The following MYO18B variants were observed in gnomAD, a reference collection of about 807,000 sequenced individuals.
The protein encoded by MYO18B is unconventional myosin-XVIIIb.
In MYO18B, 204 loss-of-function variants were observed where a neutral mutation model predicts 273.0. That is an observed-to-expected ratio of 0.75 (90% CI 0.67 to 0.84). The LOEUF (loss-of-function observed/expected upper bound fraction) is 0.84. Among genes scored for constraint, MYO18B ranks in the 40% least tolerant of loss-of-function variants. The pLI is 0.00. For synonymous variants in MYO18B, 1,330 were observed against 1,305.7 expected, an observed-to-expected ratio of 1.02 and a Z score of -0.40; for missense variants, 3,212 against 3,287.6, an observed-to-expected ratio of 0.98 and a Z score of 0.56.
intron 33 of MYO18B, among the ~76,000 whole-genome samples, 174 bp downstream of exon 33, chr22:25,911,224 T>C (rs1335713301): frequency 6.6e-6 from 1 of 152,202 alleles, no homozygotes; most frequent in African/African-American, 2.4e-5. Flanking sequence ...GCAGGGTTTT[T>C]GTAAGAACCC....
chr22:25,818,825 A>G (rs2089153218), intron 12 of MYO18B, among the ~76,000 whole-genome samples: 1 of 152,074 alleles, frequency 6.6e-6, no homozygotes, highest in Non-Finnish European at 1.5e-5. Flanking sequence ...TCTCACATGT[A>G]ACCATCTCAT....
chr22:26,037,088 C>T, the MYO18B span, among the ~76,000 whole-genome samples: 7,023 of 151,380 alleles, frequency 0.046, 237 homozygotes, highest in South Asian at 0.13. Flanking sequence ...GCTGGCTGAA[C>T]GGGCCTATGG....
chr22:25,757,519 G>A (rs2086162430), intron 1 of MYO18B, among the ~76,000 whole-genome samples: 1 of 152,026 alleles, frequency 6.6e-6, no homozygotes, highest in Non-Finnish European at 1.5e-5. Context: ...CTCAGGAGGT[G>A]GAGGTTGCAG....
chr22:26,039,310 G>A, the MYO18B span, among the ~76,000 whole-genome samples: 1 of 152,248 alleles, frequency 6.6e-6, no homozygotes, highest in East Asian at 1.9e-4. Flanking sequence ...CCTCTGCCCT[G>A]GATGCTGCTC....
intron 25 of MYO18B, among the ~76,000 whole-genome samples, chr22:25,880,241 G>A (rs2091301497): frequency 6.6e-6 from 1 of 152,102 alleles, no homozygotes; most frequent in Non-Finnish European, 1.5e-5. Flanking sequence ...TTTTAAAATT[G>A]TAAAGTAATG....
chr22:26,041,046 T>G, the MYO18B span, among the ~76,000 whole-genome samples: 16 of 152,302 alleles, frequency 1.1e-4, no homozygotes, highest in Non-Finnish European at 1.5e-4. Context: ...TAGAGCAGGG[T>G]TGTCCAACCC....
chr22:25,898,139 G>T, intron 28 of MYO18B, 168 bp from the exon 29 acceptor site: 1 of 637,132 alleles, frequency 1.6e-6, no homozygotes. Flanking sequence ...CAGAAAAGTA[G>T]CTTCCTGGAG....
chr22:25,977,489 T>A (rs909948794), intron 39 of MYO18B, among the ~76,000 whole-genome samples: 2 of 152,036 alleles, frequency 1.3e-5, no homozygotes, highest in African/African-American at 4.8e-5. Flanking sequence ...TTGGGCATGG[T>A]GAATTGTGAC....
intron 25 of MYO18B, among the ~76,000 whole-genome samples, chr22:25,885,812 C>T (rs910100646): frequency 5.3e-5 from 8 of 152,194 alleles, no homozygotes; most frequent in Admixed American, 2.0e-4. Flanking sequence ...CCCTGAAAGG[C>T]CATAACTGTC....
intron 39 of MYO18B, among the ~76,000 whole-genome samples, chr22:25,969,748 G>GTCC (rs1466853071): frequency 1.3e-5 from 2 of 152,204 alleles, no homozygotes; most frequent in Non-Finnish European, 2.9e-5. Flanking sequence ...GTTCCATCAT[G>GTCC]TCCTTACTGT....
intron 22 of MYO18B, among the ~76,000 whole-genome samples, chr22:25,871,298 A>G (rs948392087): frequency 6.6e-6 from 1 of 152,132 alleles, no homozygotes. Context: ...ACCTCCCAAG[A>G]TGGCTGTGGG....
At chr22:25,964,686 A>G (rs1014909257) in intron 39 of MYO18B, 1 of 152,130 alleles carries the variant, frequency 6.6e-6, no homozygotes, top group Non-Finnish European at 1.5e-5. Flanking sequence ...GACATTACCA[A>G]ATGTCCCCTA....
At chr22:25,959,371 T>TA (rs2092892576) in intron 39 of MYO18B, 1 of 148,592 alleles carries the variant, frequency 6.7e-6, no homozygotes, top group African/African-American at 2.5e-5. Flanking sequence ...CTCCTGGGCA[T>TA]AAGCGATCCT....
chr22:26,053,807 C>G, the MYO18B span, among the ~76,000 whole-genome samples: 1 of 152,074 alleles, frequency 6.6e-6, no homozygotes, highest in Non-Finnish European at 1.5e-5. Context: ...GAATCAGACC[C>G]GGACTAGCTA....
Position 25,828,825 on chromosome 22 carries a change from T to C in MYO18B, c.2836T>C (p.Ser946Pro). Reference protein sequence around the residue: ...LSMASIMVVDSPGFQNPRHQG... With the variant: ...LSMASIMVVDPPGFQNPRHQG... ...CATGGCCTCCATCATGGTGGTGGAC[T>C]CTCCAGGCTTCCAGAACCCCCGGCA... Residue 946 changes from serine to proline, a missense_variant, in exon 15 of 44, where the codon TCT becomes CCT. By Grantham distance (74) the Ser-to-Pro change is moderately conservative. Transcript: ENST00000335473. 2 of 1,613,894 alleles carry C rather than the reference T, an allele frequency of 1.2e-6. No homozygotes were observed. Among genetic ancestry groups the C allele is most frequent in the African/African-American group, 1.3e-5 (1 of 75,040 alleles).
chr22:25,808,883 T>C (rs577735572), intron 12 of MYO18B, among the ~76,000 whole-genome samples: 3 of 152,266 alleles, frequency 2.0e-5, no homozygotes, highest in Admixed American at 1.3e-4. Context: ...ATTATTGTTA[T>C]TAACGAAAAA....
intron 34 of MYO18B, among the ~76,000 whole-genome samples, chr22:25,926,475 G>A (rs1364067062): frequency 6.6e-6 from 1 of 151,954 alleles, no homozygotes; most frequent in Non-Finnish European, 1.5e-5. Context: ...AGTAGAGATG[G>A]GGTTTCACCA....
At position 25,769,112 on chromosome 22, in the gene MYO18B, A is replaced by C; in HGVS notation, c.1196A>C (p.Gln399Pro). The change falls in exon 4 of 44, where the codon CAG becomes CCG. Residue 399 changes from glutamine (Q) to proline (P), a missense_variant. Physicochemically the swap from Gln to Pro is moderately conservative, Grantham distance 76 (BLOSUM62 -1). Coordinates refer to ENST00000335473, the MANE Select transcript of MYO18B (RefSeq NM_032608.7). ...AAGAAGGAAAAGATGGGGCAACCCC[A>C]GGGTAAGTCCGGGAACGCAGGTGAA... ...WDKKEKMGQPQGKSGNAGEAR... is the reference protein window; with the variant it reads ...WDKKEKMGQPPGKSGNAGEAR... 1 of 1,613,614 alleles carries C rather than the reference A, an allele frequency of 6.2e-7. No individual in the cohort carries two copies. Among genetic ancestry groups the C allele is most frequent in the Non-Finnish European group, 8.5e-7 (1 of 1,179,748 alleles).
chr22:25,879,277 C>A (rs1477275348), intron 25 of MYO18B, among the ~76,000 whole-genome samples: 1 of 152,200 alleles, frequency 6.6e-6, no homozygotes, highest in Non-Finnish European at 1.5e-5. Context: ...CTCTCTGGAT[C>A]TTTACAGAAA....
Sources: gnomAD v4.1 joint callset for allele counts (sites outside exome capture counted in the v4.1 genomes callset) on GRCh38, gnomAD v4.1.1 for gene constraint, MANE v1.5 for transcripts, NCBI Gene and HGNC (gene_info 2026-07-23, HGNC 2026-07-21) for gene names.